CSMD1: variants seen among roughly 807,000 people sequenced by gnomAD.
CSMD1 encodes CUB and Sushi multiple domains 1, also known as CUB and sushi domain-containing protein 1.
CSMD1 carries 213 observed loss-of-function variants against 417.5 expected under a neutral mutation model. That is an observed-to-expected ratio of 0.51 (90% CI 0.46 to 0.57). The LOEUF is 0.57. Among genes scored for constraint, CSMD1 ranks in the 20% least tolerant of loss-of-function variants. CSMD1 has a pLI of 0.00. For missense variants in CSMD1, 6,923 were observed against 4,529.7 expected, an observed-to-expected ratio of 1.53 and a Z score of -15.17; for synonymous variants, 2,862 against 1,736.8, an observed-to-expected ratio of 1.65 and a Z score of -16.11.
intron 3 of CSMD1, among the ~76,000 whole-genome samples, chr8:4,090,151 T>C (rs1316039288): frequency 2.6e-5 from 4 of 152,212 alleles, no homozygotes; most frequent in Admixed American, 6.5e-5. Context: ...ACAGTCTTAA[T>C]TGGCTTGATA....
chr8:3,443,286 G>T (rs191635704), intron 12 of CSMD1, among the ~76,000 whole-genome samples: 3 of 152,158 alleles, frequency 2.0e-5, no homozygotes, highest in African/African-American at 7.2e-5. Context: ...TGAATAAACT[G>T]TGGCCTCTCC....
At chr8:3,501,407 G>C (rs887586364) in intron 10 of CSMD1, among the ~76,000 whole-genome samples, 1 of 152,130 alleles carries the variant, frequency 6.6e-6, no homozygotes, top group Non-Finnish European at 1.5e-5. Flanking sequence ...ACATGTTTGT[G>C]TCAGAAACTG....
chr8:3,446,386 A>C (rs1046407193), intron 12 of CSMD1, among the ~76,000 whole-genome samples: 1 of 152,250 alleles, frequency 6.6e-6, no homozygotes, highest in Admixed American at 6.5e-5. Context: ...TATGGCTTTC[A>C]ACTGAGGATC....
rs4875268 is a variant in CSMD1, at chr8:4,083,860, G to C, written c.416-51761C>G. ...ACAAATGGGATCTAATTAAACTAAA[G>C]AGCTTCTGCACAGCAAAAGAAACTA... On this transcript the variant is annotated intron_variant, in intron 3 of 69. Transcript: ENST00000635120. Among the ~76,000 whole-genome samples, 660 of 152,022 alleles carry C rather than the reference G, an allele frequency of 4.3e-3. 3 individuals carry two copies. Among genetic ancestry groups the C allele is most frequent in the African/African-American group, 0.015 (636 of 41,460 alleles).
intron 7 of CSMD1, among the ~76,000 whole-genome samples, chr8:3,670,577 G>T (rs565316983): frequency 7.3e-4 from 101 of 138,924 alleles, no homozygotes; most frequent in East Asian, 5.4e-3. Flanking sequence ...TATATATATG[G>T]GATATATATG....
intron 12 of CSMD1, among the ~76,000 whole-genome samples, chr8:3,410,280 G>C (rs897718670): frequency 6.6e-6 from 1 of 152,198 alleles, no homozygotes; most frequent in Non-Finnish European, 1.5e-5. Context: ...GACTATTTTT[G>C]AGAGCCACTG....
chr8:3,926,786 G>A (rs1489935609), intron 5 of CSMD1, among the ~76,000 whole-genome samples: 1 of 133,978 alleles, frequency 7.5e-6, no homozygotes, highest in Non-Finnish European at 1.5e-5. Flanking sequence ...CGTGATCTCA[G>A]CTCACTGCAA....
At chr8:3,360,850 C>A (rs1383184387) in intron 20 of CSMD1, among the ~76,000 whole-genome samples, 2 of 145,442 alleles carry the variant, frequency 1.4e-5, no homozygotes, top group South Asian at 2.3e-4. Context: ...CAAATCTGAT[C>A]CTTCTTTTTT....
chr8:4,963,941 C>T (rs1010218222), intron 1 of CSMD1, among the ~76,000 whole-genome samples: 1 of 152,080 alleles, frequency 6.6e-6, no homozygotes, highest in Non-Finnish European at 1.5e-5. Context: ...AAAAAACAAG[C>T]TGATTTCATA....
chr8:2,966,509 T>G (rs1803972629), intron 58 of CSMD1, 61 bp downstream of exon 58: 2 of 1,491,194 alleles, frequency 1.3e-6, no homozygotes, highest in African/African-American at 1.4e-5. Context: ...AGTCATTTTT[T>G]TTCCCAATGG....
At chr8:4,005,371 C>A (rs944683268) in intron 4 of CSMD1, among the ~76,000 whole-genome samples, 1 of 152,174 alleles carries the variant, frequency 6.6e-6, no homozygotes, top group Non-Finnish European at 1.5e-5. Context: ...GGGTCCGGCT[C>A]CTTGAACAGA....
intron 22 of CSMD1, among the ~76,000 whole-genome samples, chr8:3,345,955 C>T (rs976587080): frequency 1.3e-5 from 2 of 152,130 alleles, no homozygotes. Context: ...CCACATGAAG[C>T]AAGAAAACAT....
chr8:3,308,307 C>T lies in CSMD1; in HGVS notation c.3823+5G>A. The T allele has an allele frequency of 6.3e-7, 1 of 1,596,958 alleles. No individual in the cohort carries two copies. Among genetic ancestry groups the T allele is most frequent in the Non-Finnish European group, 8.6e-7 (1 of 1,166,830 alleles). The stretch of plus-strand genomic sequence containing the variant: ...GCACAATGGTATGACTGCTTCCACA[C>T]TCACCTATGCACGAAGGTAGTGGTT... On this transcript the variant is annotated splice_donor_5th_base_variant and intron_variant, in intron 24 of 69. Transcript: ENST00000635120.
chr8:3,653,752 G>A (rs956923114), intron 7 of CSMD1, among the ~76,000 whole-genome samples: 13 of 152,276 alleles, frequency 8.5e-5, no homozygotes, highest in Admixed American at 4.6e-4. Flanking sequence ...TCGCATGGCT[G>A]TTACACAGTG....
chr8:4,686,720 C>T (rs1422609511), intron 1 of CSMD1, among the ~76,000 whole-genome samples: 2 of 152,184 alleles, frequency 1.3e-5, no homozygotes, highest in Admixed American at 1.3e-4. Flanking sequence ...AGGCTTTTAA[C>T]TATTTTGTCA....
chr8:4,533,595 G>A (rs1244780568), intron 2 of CSMD1, among the ~76,000 whole-genome samples: 2 of 151,952 alleles, frequency 1.3e-5, no homozygotes, highest in Non-Finnish European at 2.9e-5. Context: ...TCCGAGAAGA[G>A]GATGTTAAAC....
At chr8:4,284,982 T>C (rs1796984605) in intron 3 of CSMD1, among the ~76,000 whole-genome samples, 1 of 152,210 alleles carries the variant, frequency 6.6e-6, no homozygotes. Context: ...CGCCTCACCA[T>C]GCCTCGGTTC....
chr8:3,440,658 G>A (rs1472411384), intron 12 of CSMD1, among the ~76,000 whole-genome samples: 1 of 152,128 alleles, frequency 6.6e-6, no homozygotes, highest in Non-Finnish European at 1.5e-5. Context: ...TTGCAATTTT[G>A]AATGGACTTG....
intron 1 of CSMD1, among the ~76,000 whole-genome samples, chr8:4,732,344 C>CGTGTGT (rs750818272): frequency 0.18 from 25,695 of 140,860 alleles, 2,388 homozygotes; most frequent in Middle Eastern, 0.24. Context: ...ATTTCTTCTG[C>CGTGTGT]GTGTGTGTGT....
Sources: allele counts gnomAD v4.1 joint callset (sites outside exome capture counted in the v4.1 genomes callset), GRCh38; gene constraint gnomAD v4.1.1; transcripts MANE v1.5; gene names NCBI Gene and HGNC (gene_info 2026-07-23, HGNC 2026-07-21).